The following RBFOX1 variants were observed in gnomAD, a reference collection of about 807,000 sequenced individuals.
RBFOX1 encodes the protein RNA binding fox-1 homolog 1, also known as RNA binding protein fox-1 homolog 1.
Under a neutral mutation model 57.7 loss-of-function variants are expected in RBFOX1, and 8 were observed. The ratio of observed to expected loss-of-function variants is 0.14; its 90% CI spans 0.08 to 0.25. RBFOX1 has a LOEUF of 0.25. Ranked by LOEUF, RBFOX1 falls within the 10% of genes least tolerant of loss-of-function variation. RBFOX1 has a pLI of 1.00. For missense variants in RBFOX1, 611 were observed against 548.5 expected, an observed-to-expected ratio of 1.11 and a Z score of -1.14; for synonymous variants, 326 against 222.4, an observed-to-expected ratio of 1.47 and a Z score of -4.15.
chr16:6,901,465 C>T (rs1396469116), intron 3 of RBFOX1, among the ~76,000 whole-genome samples: 2 of 152,146 alleles, frequency 1.3e-5, no homozygotes, highest in African/African-American at 2.4e-5. Context: ...CTATGTCTGC[C>T]CCTACGACTC....
chr16:5,793,755 GTGCA>G (rs906258291), intron 3 of RBFOX1, among the ~76,000 whole-genome samples: 1 of 152,032 alleles, frequency 6.6e-6, no homozygotes. Flanking sequence ...GTGTGTGTGT[GTGCA>G]TGCATGCATG....
At chr16:7,210,723 T>C (rs2090960585) in intron 4 of RBFOX1, among the ~76,000 whole-genome samples, 1 of 152,108 alleles carries the variant, frequency 6.6e-6, no homozygotes, top group Admixed American at 6.5e-5. Context: ...CCAATTATCA[T>C]TCTCATAGTA....
Position 5,423,536 on chromosome 16 carries a change from C to G in RBFOX1, c.220-43680C>G, listed in dbSNP as rs140574540. 1.2e-3 allele frequency among the ~76,000 whole-genome samples: 188 copies of G among 152,332 alleles called. 2 individuals carry two copies. Among genetic ancestry groups the G allele is most frequent in the African/African-American group, 4.4e-3 (184 of 41,564 alleles). On this transcript the variant is annotated intron_variant, in intron 1 of 2. Coordinates refer to the RBFOX1 transcript ENST00000585867. ...CTCATGGTGAAGGGGCCACAGATGC[C>G]AGGCCTACCCTGGGCTGTTGCTGCG...
intron 2 of RBFOX1, among the ~76,000 whole-genome samples, chr16:6,324,031 C>G (rs1208997850): frequency 2.6e-5 from 4 of 152,164 alleles, no homozygotes; most frequent in Admixed American, 2.6e-4. Context: ...CCTCAGCCTC[C>G]CAAAGTGCTG....
At chr16:6,059,883 G>C (rs1026994748) in intron 1 of RBFOX1, among the ~76,000 whole-genome samples, 1 of 152,078 alleles carries the variant, frequency 6.6e-6, no homozygotes, top group African/African-American at 2.4e-5. Context: ...ATAATGACTT[G>C]ATGAGAGAAT....
downstream of RBFOX1, among the ~76,000 whole-genome samples, chr16:5,600,306 TA>T (rs201494923): frequency 1.9e-4 from 27 of 143,836 alleles, no homozygotes; most frequent in African/African-American, 6.4e-4. Context: ...CTCAAAAAAA[TA>T]AAAAAAAATA....
At chr16:7,025,264 T>C (rs887194530) in intron 3 of RBFOX1, among the ~76,000 whole-genome samples, 1 of 152,124 alleles carries the variant, frequency 6.6e-6, no homozygotes, top group Non-Finnish European at 1.5e-5. Context: ...GATGTTGCCA[T>C]GGTGTTTGGA....
intron 1 of RBFOX1, among the ~76,000 whole-genome samples, chr16:6,153,311 A>T (rs1012364409): frequency 1.3e-5 from 2 of 152,222 alleles, no homozygotes; most frequent in African/African-American, 4.8e-5. Flanking sequence ...AAACATTGAG[A>T]ATATTCAGTA....
chr16:7,074,814 T>G (rs1363080195), intron 4 of RBFOX1, among the ~76,000 whole-genome samples: 1 of 152,204 alleles, frequency 6.6e-6, no homozygotes, highest in Non-Finnish European at 1.5e-5. Context: ...CAGATGCATT[T>G]TCTTTTGGAA....
chr16:6,306,725 G>T (rs79293435), intron 1 of RBFOX1, among the ~76,000 whole-genome samples: 1 of 152,106 alleles, frequency 6.6e-6, no homozygotes, highest in Non-Finnish European at 1.5e-5. Flanking sequence ...AGCAGTTGCC[G>T]TCCATTTCTG....
At chr16:6,625,133 C>A (rs1272671818) in intron 2 of RBFOX1, among the ~76,000 whole-genome samples, 2 of 137,158 alleles carry the variant, frequency 1.5e-5, no homozygotes, top group South Asian at 5.0e-4. Flanking sequence ...CCATTGCACT[C>A]CATCCTCGGC....
intron 1 of RBFOX1, among the ~76,000 whole-genome samples, chr16:5,311,322 GT>G (rs964436069): frequency 5.3e-5 from 8 of 151,984 alleles, no homozygotes; most frequent in African/African-American, 1.9e-4. Context: ...ACATAGGTTG[GT>G]TCCATATCTT....
chr16:6,131,526 A>T (rs75423042), intron 1 of RBFOX1, among the ~76,000 whole-genome samples: 2 of 152,194 alleles, frequency 1.3e-5, no homozygotes, highest in Non-Finnish European at 2.9e-5. Flanking sequence ...GATCCAGAAC[A>T]TCTGGAACAG....
chr16:6,361,671 G>C (rs7187868), intron 2 of RBFOX1, among the ~76,000 whole-genome samples: 96,896 of 151,358 alleles, frequency 0.64, 31,489 homozygotes, highest in East Asian at 0.84. Context: ...CTTAAAGCTG[G>C]CTAATTAGTG....
At chr16:5,420,984 T>TTCC (rs141254741) in intron 1 of RBFOX1, among the ~76,000 whole-genome samples, 81 of 127,654 alleles carry the variant, frequency 6.3e-4, no homozygotes, top group Middle Eastern at 4.3e-3. Context: ...CCTTCTTCCC[T>TTCC]TCCTCCTCCT....
intron 3 of RBFOX1, among the ~76,000 whole-genome samples, chr16:6,681,808 C>A (rs960442646): frequency 1.3e-5 from 2 of 152,160 alleles, no homozygotes; most frequent in Non-Finnish European, 2.9e-5. Context: ...ATAATAGCTA[C>A]CCTTTCTTTT....
chr16:7,227,959 C>A (rs1036505746), intron 4 of RBFOX1, among the ~76,000 whole-genome samples: 3 of 152,142 alleles, frequency 2.0e-5, no homozygotes, highest in African/African-American at 7.2e-5. Context: ...GAGGAGGCCA[C>A]CCTGTGCTCT....
At chr16:5,386,192 T>G (rs2066250204) in intron 1 of RBFOX1, among the ~76,000 whole-genome samples, 1 of 149,464 alleles carries the variant, frequency 6.7e-6, no homozygotes, top group African/African-American at 2.5e-5. Context: ...GAAAAGAAAA[T>G]AGGAACTAAA....
At chr16:7,480,164 A>G (rs1460601466) in intron 4 of RBFOX1, among the ~76,000 whole-genome samples, 1 of 151,992 alleles carries the variant, frequency 6.6e-6, no homozygotes, top group Non-Finnish European at 1.5e-5. Flanking sequence ...AGCTACACAC[A>G]CTCTCTAAGT....
Sources: gnomAD v4.1 joint callset for allele counts (sites outside exome capture counted in the v4.1 genomes callset) on GRCh38, gnomAD v4.1.1 for gene constraint, MANE v1.5 for transcripts, NCBI Gene and HGNC (gene_info 2026-07-23, HGNC 2026-07-21) for gene names.